Variants in HUWE1 observed in about 807,000 individuals in gnomAD.
HUWE1 encodes HECT, UBA and WWE domain containing E3 ubiquitin protein ligase 1, also known as E3 ubiquitin-protein ligase HUWE1.
HUWE1 carries 18 observed loss-of-function variants against 299.4 expected under a neutral mutation model. That is an observed-to-expected ratio of 0.06 (90% CI 0.04 to 0.09). The LOEUF is 0.09. HUWE1 is among the 10% of genes least tolerant of loss of function. The probability of loss-of-function intolerance (pLI) is 1.00; values close to 1 mark genes in which losing one functional copy is unlikely to be tolerated. For synonymous variants in HUWE1, 1,317 were observed against 1,286.1 expected, an observed-to-expected ratio of 1.02 and a Z score of -0.51; for missense variants, 1,832 against 3,462.3, an observed-to-expected ratio of 0.53 and a Z score of 11.82.
At position 53,630,085 on chromosome X, in the gene HUWE1, G is replaced by C. The variant is rs782563355; in HGVS notation, c.863-469C>G. Among the ~76,000 whole-genome samples the C allele has an allele frequency of 1.2e-3, 129 of 112,068 alleles. 1 individual carries two copies. In the Admixed American group the frequency reaches 0.012, roughly 10 times the overall value. On this transcript the variant is annotated intron_variant, in intron 12 of 83. Coordinates refer to ENST00000262854, the MANE Select transcript of HUWE1 (RefSeq NM_031407.7). Reference sequence around the variant, plus strand: ...AGAATGTGTGTAATTCACATTCAATGAATTCCACGATGAGGTTAATACCGG... The same window carrying C: ...AGAATGTGTGTAATTCACATTCAATCAATTCCACGATGAGGTTAATACCGG...
chrX:53,573,537 A>G (rs2062941161), intron 47 of HUWE1, among the ~76,000 whole-genome samples: 1 of 112,024 alleles, frequency 8.9e-6, no homozygotes, highest in Non-Finnish European at 1.9e-5. Flanking sequence ...CGAACTCCTA[A>G]CCTCAGGTGA....
At chrX:53,554,010 T>A (rs2147374271) in intron 61 of HUWE1, among the ~76,000 whole-genome samples, 1 of 110,223 alleles carries the variant, frequency 9.1e-6, no homozygotes, top group Non-Finnish European at 1.9e-5. Context: ...AGAAATAGTG[T>A]CATGAGATAA....
At chrX:53,609,817 A>G (rs1361931432) in intron 23 of HUWE1, among the ~76,000 whole-genome samples, 1 of 112,049 alleles carries the variant, frequency 8.9e-6, no homozygotes, top group Non-Finnish European at 1.9e-5. Context: ...AGAAGACAAG[A>G]AAGTTGGCAA....
At chrX:53,629,941 G>C in intron 12 of HUWE1, among the ~76,000 whole-genome samples, 1 of 112,402 alleles carries the variant, frequency 8.9e-6, no homozygotes, top group South Asian at 3.7e-4. Context: ...TTCAATATAA[G>C]ATTTCCATTT....
chrX:53,536,007 A>C (rs782527257), intron 80 of HUWE1, 140 bp downstream of exon 80: 1 of 491,940 alleles, frequency 2.0e-6, no homozygotes, highest in Non-Finnish European at 3.7e-6. Context: ...TGTCACTCAC[A>C]AACACCTGCT....
intron 43 of HUWE1, chrX:53,580,012 G>A (rs1336313107): frequency 2.8e-5 from 3 of 107,490 alleles, no homozygotes; most frequent in Admixed American, 9.7e-5. Context: ...AGAAAAGTTC[G>A]AATAGTATAA....
chrX:53,559,248 T>C, intron 57 of HUWE1, 106 bp downstream of exon 57: 1 of 953,612 alleles, frequency 1.0e-6, no homozygotes. Context: ...TTCTGGCTCC[T>C]ATAAAATGGG....
intron 59 of HUWE1, 138 bp downstream of exon 59, chrX:53,558,517 G>A (rs781876928): frequency 6.3e-5 from 38 of 605,847 alleles, no homozygotes; most frequent in Non-Finnish European, 9.8e-5. Context: ...AATGTATGGT[G>A]AATTTGAAAT....
At chrX:53,634,340 T>A in intron 7 of HUWE1, 42 bp from the exon 8 acceptor site, 1 of 1,039,546 alleles carries the variant, frequency 9.6e-7, no homozygotes, top group Non-Finnish European at 1.4e-6. Flanking sequence ...GTGCTTATGG[T>A]GACTTTGCGC....
In HUWE1 at chrX:53,559,365, G is replaced by A; in HGVS notation, c.7904C>T (p.Thr2635Ile). 1 of 1,210,924 alleles carries A rather than the reference G, an allele frequency of 8.3e-7. No homozygotes were observed. The highest frequency in any genetic ancestry group is 1.1e-6 in the Non-Finnish European group (1 of 894,798). Residue 2635 changes from threonine to isoleucine, a missense_variant, in exon 57 of 84, where the codon ACC becomes ATC. By Grantham distance (89) the Thr-to-Ile change is moderately conservative. Around this residue, in one of 15 missense-constraint regions of HUWE1, gnomAD observed 170 missense variants for 335.8 expected, o/e 0.51. Transcript: ENST00000262854. ...DDFFHDQSTA[T>I]SQAGTLSSIP... ...CCACACAAACTTGCCTGCTTGGCTGGTAGCTGTGCTCTGATCATGGAAAAA... is the reference window on the plus strand; with the variant it reads ...CCACACAAACTTGCCTGCTTGGCTGATAGCTGTGCTCTGATCATGGAAAAA...
Position 53,645,739 on chromosome X carries a change from ATATAT to A in HUWE1, c.352-281_352-277del, listed in dbSNP as rs2067975894. ...AAAAAAGAAAAAAAAAAAAAAAAAT[ATATAT>A]ATATATATATATATATATATATATA... On this transcript the variant is annotated intron_variant, in intron 6 of 83. Transcript: ENST00000262854. Among the ~76,000 whole-genome samples the A allele has an allele frequency of 4.6e-3, 92 of 19,927 alleles. 1 individual carries two copies. The highest frequency in any genetic ancestry group is 8.0e-3 in the African/African-American group (43 of 5,344). The allele number at this position is 19,927 out of a possible 115,157, so 17.3% of individuals were successfully genotyped here.
At chrX:53,657,046 T>C (rs1557043318) in intron 3 of HUWE1, among the ~76,000 whole-genome samples, 1 of 111,642 alleles carries the variant, frequency 9.0e-6, no homozygotes. Context: ...AAAAATTAAC[T>C]CAAAATGAAT....
intron 49 of HUWE1, among the ~76,000 whole-genome samples, chrX:53,567,828 G>A (rs2062642016): frequency 9.0e-6 from 1 of 110,975 alleles, no homozygotes; most frequent in Non-Finnish European, 1.9e-5. Context: ...CATGGGAGAT[G>A]TGTCTCCCAC....
rs1557018809 is a variant in HUWE1 at position 53,627,478 on chromosome X, A to G, written c.1421T>C (p.Val474Ala). 8.3e-7 allele frequency: 1 copy of G among 1,205,149 alleles called. No individual in the cohort carries two copies. The highest frequency in any genetic ancestry group is 1.1e-6 in the Non-Finnish European group (1 of 890,577). Residue 474 changes from valine (V) to alanine (A), a missense_variant, in exon 17 of 84, where the codon GTG becomes GCG. Coordinates refer to ENST00000262854, the MANE Select transcript of HUWE1 (RefSeq NM_031407.7). ...GGGTCTCTGGATCTTTGGCTTGATC[A>G]CAAACGGACATTCTTTTCGGCACAA... ...VDLCRKECPF[V>A]IKPKIQRPNT...
At chrX:53,625,025 A>C in intron 18 of HUWE1, 132 bp downstream of exon 18, 3 of 504,555 alleles carry the variant, frequency 5.9e-6, no homozygotes, top group Non-Finnish European at 1.1e-5. Context: ...AAAACAACTA[A>C]AAGCTATTGA....
At chrX:53,615,897 T>C in intron 21 of HUWE1, 62 bp from the exon 22 acceptor site, 2 of 813,713 alleles carry the variant, frequency 2.5e-6, no homozygotes, top group East Asian at 6.4e-5. Context: ...CTTGGGCTCT[T>C]TTCTGTACCA....
chrX:53,604,760 G>A lies in HUWE1; in HGVS notation c.2571C>T (p.Pro857=), dbSNP rs1556995211. ...CAGGGGATTCAATGGGGCGGTGTAA[G>A]GGCTCCAGGGAGGAGAGGATGGAGT... ...QLDSILSSLE[P]LHRPIESPGG... Residue 857 remains proline, a synonymous_variant, in exon 26 of 84, where the codon CCC becomes CCT. Transcript: ENST00000262854. 2 of 1,211,415 alleles carry A rather than the reference G, an allele frequency of 1.7e-6. No individual in the cohort carries two copies. The highest frequency in any genetic ancestry group is 5.9e-5 in the East Asian group (2 of 33,837).
At chrX:53,632,182 A>G (rs1473359562) in intron 9 of HUWE1, 4 of 343,531 alleles carry the variant, frequency 1.2e-5, no homozygotes, top group Non-Finnish European at 2.1e-5. Context: ...CTGAGCCATC[A>G]CCATCCAAAC....
chrX:53,580,712 A>G, intron 43 of HUWE1, 119 bp downstream of exon 43: 2 of 670,589 alleles, frequency 3.0e-6, no homozygotes, highest in Non-Finnish European at 4.6e-6. Flanking sequence ...TTAGCCAGCA[A>G]ATGTCCTAAT....
Sources: allele counts gnomAD v4.1 joint callset (sites outside exome capture counted in the v4.1 genomes callset), GRCh38; gene constraint gnomAD v4.1.1; regional missense constraint gnomAD v4.1.1; transcripts MANE v1.5; gene names NCBI Gene and HGNC (gene_info 2026-07-23, HGNC 2026-07-21).